Variants in THSD7B observed in about 807,000 individuals in gnomAD.
THSD7B encodes thrombospondin type-1 domain-containing protein 7B.
A neutral mutation model predicts 213.6 loss-of-function variants in THSD7B; 138 were observed. The observed-to-expected ratio is 0.65, with a 90% CI of 0.56 to 0.74. The LOEUF (loss-of-function observed/expected upper bound fraction) is 0.74. Among genes scored for constraint, THSD7B ranks in the 30% least tolerant of loss-of-function variants. The probability of loss-of-function intolerance (pLI) is 0.00; values close to 1 mark genes in which losing one functional copy is unlikely to be tolerated. For synonymous variants in THSD7B, 742 were observed against 687.0 expected, an observed-to-expected ratio of 1.08 and a Z score of -1.25; for missense variants, 1,931 against 1,991.5, an observed-to-expected ratio of 0.97 and a Z score of 0.58.
intron 2 of THSD7B, among the ~76,000 whole-genome samples, chr2:136,931,099 T>G (rs1344651428): frequency 6.6e-6 from 1 of 152,176 alleles, no homozygotes; most frequent in Non-Finnish European, 1.5e-5. Flanking sequence ...GCCACAATTT[T>G]TAACAGCCTC....
At chr2:137,385,713 A>C (rs1442568278) in intron 12 of THSD7B, among the ~76,000 whole-genome samples, 4 of 152,334 alleles carry the variant, frequency 2.6e-5, no homozygotes, top group African/African-American at 9.6e-5. Context: ...CTGGAACAGA[A>C]TCAAGCTGGG....
At position 137,387,819 on chromosome 2, in the gene THSD7B, A is replaced by G. The variant is rs1198476224; in HGVS notation, c.2501-17794A>G. On this transcript the variant is annotated intron_variant, in intron 12 of 27. Coordinates refer to ENST00000409968, the MANE Select transcript of THSD7B (RefSeq NM_001316349.2). ...CCATTACACGTCCCTTTCATTCAAG[A>G]TGGAAGTGTCTACTCTTCCCTTCTA... Among the ~76,000 whole-genome samples, 5 of 152,284 alleles carry G rather than the reference A, an allele frequency of 3.3e-5. No homozygotes were observed. The East Asian group carries it at 7.7e-4, about 24-fold the overall frequency.
intron 2 of THSD7B, chr2:136,990,814 A>T (rs1323564391): frequency 8.6e-7 from 1 of 1,159,514 alleles, no homozygotes; most frequent in Non-Finnish European, 1.2e-6. Context: ...TGCCTGGCCG[A>T]TGGTGTTTCT....
intron 12 of THSD7B, among the ~76,000 whole-genome samples, chr2:137,342,322 G>T (rs1446414370): frequency 6.6e-6 from 1 of 151,312 alleles, no homozygotes; most frequent in African/African-American, 2.4e-5. Context: ...TTAGTAAACA[G>T]AAACACTACT....
chr2:136,864,493 C>G (rs537895206), intron 1 of THSD7B, among the ~76,000 whole-genome samples: 47 of 152,218 alleles, frequency 3.1e-4, no homozygotes, highest in African/African-American at 1.1e-3. Flanking sequence ...TTTTCATCAG[C>G]TATAATATTG....
chr2:137,128,204 A>G (rs903181291), intron 5 of THSD7B, among the ~76,000 whole-genome samples: 3 of 152,160 alleles, frequency 2.0e-5, no homozygotes, highest in Non-Finnish European at 4.4e-5. Context: ...TTAGTGTACT[A>G]TAGATTAAAT....
At chr2:136,815,489 C>A (rs915558636) in intron 1 of THSD7B, among the ~76,000 whole-genome samples, 5 of 152,148 alleles carry the variant, frequency 3.3e-5, no homozygotes, top group Non-Finnish European at 7.4e-5. Flanking sequence ...CTGTTGGAAT[C>A]AAAAACAATG....
At chr2:137,528,483 C>G (rs1680321000) in intron 15 of THSD7B, among the ~76,000 whole-genome samples, 1 of 152,082 alleles carries the variant, frequency 6.6e-6, no homozygotes, top group Non-Finnish European at 1.5e-5. Flanking sequence ...GTAAATTAAA[C>G]ACATGATATT....
At chr2:137,366,044 T>C (rs1324739392) in intron 12 of THSD7B, among the ~76,000 whole-genome samples, 4 of 151,508 alleles carry the variant, frequency 2.6e-5, no homozygotes, top group Non-Finnish European at 2.9e-5. Flanking sequence ...ATATACACCA[T>C]GGAATACTAT....
chr2:136,813,031 C>T (rs143802910), intron 1 of THSD7B, among the ~76,000 whole-genome samples: 2 of 152,274 alleles, frequency 1.3e-5, no homozygotes, highest in East Asian at 3.9e-4. Context: ...CCAACTATTA[C>T]TGAATCAATT....
chr2:137,644,377 G>T (rs1682991396), intron 21 of THSD7B, among the ~76,000 whole-genome samples: 1 of 152,110 alleles, frequency 6.6e-6, no homozygotes, highest in African/African-American at 2.4e-5. Flanking sequence ...AAATGAAATT[G>T]ATCTCATTCC....
chr2:136,868,863 T>G (rs1683387003), intron 1 of THSD7B, among the ~76,000 whole-genome samples: 1 of 152,216 alleles, frequency 6.6e-6, no homozygotes, highest in Non-Finnish European at 1.5e-5. Context: ...GACTACAGAC[T>G]GACTTTCTCA....
chr2:137,465,764 C>T (rs925848236), intron 15 of THSD7B, among the ~76,000 whole-genome samples: 1 of 152,090 alleles, frequency 6.6e-6, no homozygotes, highest in Non-Finnish European at 1.5e-5. Context: ...TGGCTTCATC[C>T]TCTAATATTG....
intron 20 of THSD7B, 65 bp from the exon 21 acceptor site, chr2:137,642,423 C>A (rs1682956578): frequency 1.9e-6 from 3 of 1,583,634 alleles, no homozygotes; most frequent in Admixed American, 3.5e-5. Flanking sequence ...AGGCAACATT[C>A]TGTTCTTCAG....
intron 12 of THSD7B, among the ~76,000 whole-genome samples, chr2:137,308,823 GT>G (rs1168860909): frequency 1.3e-5 from 2 of 151,946 alleles, no homozygotes; most frequent in Non-Finnish European, 2.9e-5. Flanking sequence ...ACACACAACT[GT>G]TTTTTTCCTT....
chr2:137,470,955 C>T (rs1271501149), intron 15 of THSD7B, among the ~76,000 whole-genome samples: 1 of 139,292 alleles, frequency 7.2e-6, no homozygotes, highest in African/African-American at 2.7e-5. Context: ...AGTCTCACTT[C>T]ATCACTCAGG....
At chr2:136,765,911 G>T (rs2104893749) in intron 1 of THSD7B, among the ~76,000 whole-genome samples, 1 of 152,364 alleles carries the variant, frequency 6.6e-6, no homozygotes, top group Non-Finnish European at 1.5e-5. Context: ...AGCGTGGGCT[G>T]CCCGGGGCGC....
intron 26 of THSD7B, 67 bp from the exon 27 acceptor site, chr2:137,667,707 G>T (rs1176530859): frequency 7.6e-6 from 10 of 1,308,196 alleles, no homozygotes; most frequent in Non-Finnish European, 1.1e-5. Context: ...ATCTGATGTT[G>T]CCCTATCTCT....
intron 1 of THSD7B, among the ~76,000 whole-genome samples, chr2:136,792,649 G>A (rs1462389869): frequency 6.6e-6 from 1 of 151,920 alleles, no homozygotes; most frequent in Non-Finnish European, 1.5e-5. Context: ...ATTCTACTGT[G>A]AACCTAAAAC....
Sources: allele counts gnomAD v4.1 joint callset (sites outside exome capture counted in the v4.1 genomes callset), GRCh38; gene constraint gnomAD v4.1.1; transcripts MANE v1.5; gene names NCBI Gene and HGNC (gene_info 2026-07-23, HGNC 2026-07-21).